ARFGAP3: variants seen among roughly 807,000 people sequenced by gnomAD.
ARFGAP3 encodes the protein ADP-ribosylation factor GTPase-activating protein 3.
A neutral mutation model predicts 75.0 loss-of-function variants in ARFGAP3; 72 were observed. The ratio of observed to expected loss-of-function variants is 0.96; its 90% CI spans 0.79 to 1.17. The LOEUF is 1.17. Among genes scored for constraint, ARFGAP3 ranks in the 50% most tolerant of loss-of-function variants. The pLI, the probability that ARFGAP3 is intolerant of heterozygous loss-of-function variation, is 0.00. For synonymous variants in ARFGAP3, 221 were observed against 217.9 expected (o/e 1.01, Z -0.13); for missense variants, 620 against 626.6 (o/e 0.99, Z 0.11).
intron 6 of ARFGAP3, among the ~76,000 whole-genome samples, chr22:42,831,286 CAAA>C (rs560803857): frequency 4.1e-5 from 3 of 72,640 alleles, no homozygotes; most frequent in Admixed American, 2.7e-4. Context: ...GACTTAGTCT[CAAA>C]AAAAAAAAAA....
intron 13 of ARFGAP3, among the ~76,000 whole-genome samples, chr22:42,808,329 CG>C (rs1235469391): frequency 6.7e-6 from 1 of 150,126 alleles, no homozygotes; most frequent in African/African-American, 2.5e-5. Flanking sequence ...ACTTGGGAGG[CG>C]GAGGTTGCAG....
intron 7 of ARFGAP3, 79 bp from the exon 8 acceptor site, chr22:42,823,781 A>G: frequency 7.5e-7 from 1 of 1,330,740 alleles, no homozygotes. Flanking sequence ...AAATTCTAAG[A>G]TACTGCACTT....
intron 7 of ARFGAP3, among the ~76,000 whole-genome samples, chr22:42,824,031 CTTTT>C (rs71186543): frequency 7.0e-6 from 1 of 143,560 alleles, no homozygotes. Context: ...ATTACAACAA[CTTTT>C]TTTTTTTTTT....
Position 42,817,180 on chromosome 22 carries a change from A to T in ARFGAP3, c.1026T>A (p.Asn342Lys). ...PIMAKPRKKY[N>K]DDSDDSYFTS... ...TAAAATATGAATCGTCACTGTCATCATTATACTTTTTTCTTGGTTTTGCCA... is the reference window on the plus strand; with the variant it reads ...TAAAATATGAATCGTCACTGTCATCTTTATACTTTTTTCTTGGTTTTGCCA... Residue 342 changes from asparagine to lysine, a missense_variant, in exon 11 of 16, where the codon AAT becomes AAA. Coordinates refer to ENST00000263245, the MANE Select transcript of ARFGAP3 (RefSeq NM_014570.5). The T allele has an allele frequency of 6.2e-7, 1 of 1,613,570 alleles. No individual in the cohort carries two copies. Among genetic ancestry groups the T allele is most frequent in the South Asian group, 1.1e-5 (1 of 91,062 alleles).
At chr22:42,813,604 CCT>C (rs1378220070) in intron 11 of ARFGAP3, among the ~76,000 whole-genome samples, 1 of 152,198 alleles carries the variant, frequency 6.6e-6, no homozygotes, top group Non-Finnish European at 1.5e-5. Flanking sequence ...CTTGGGTCCC[CCT>C]GACCAGCATG....
chr22:42,830,954 G>C (rs1250912670), intron 6 of ARFGAP3, among the ~76,000 whole-genome samples: 1 of 152,074 alleles, frequency 6.6e-6, no homozygotes, highest in Non-Finnish European at 1.5e-5. Flanking sequence ...TCCATGTTCA[G>C]TAATATTTTT....
At chr22:42,826,866 A>T in intron 7 of ARFGAP3, 74 bp downstream of exon 7, 1 of 1,379,224 alleles carries the variant, frequency 7.3e-7, no homozygotes. Flanking sequence ...GCCCAGGCCA[A>T]ATGCAAGAGG....
At chr22:42,833,477 G>A (rs1308507050) in intron 5 of ARFGAP3, among the ~76,000 whole-genome samples, 1 of 152,126 alleles carries the variant, frequency 6.6e-6, no homozygotes, top group Admixed American at 6.6e-5. Context: ...CATCTGTGGT[G>A]GGGTATGGTG....
In ARFGAP3 at chr22:42,827,004, A is replaced by T; in HGVS notation, c.566-5T>A. 3 of 1,613,134 alleles carry T rather than the reference A, an allele frequency of 1.9e-6. No homozygotes were observed. Among genetic ancestry groups the T allele is most frequent in the Non-Finnish European group, 1.7e-6 (2 of 1,179,784 alleles). ...TTGGTCCTTGCTCTTGTCCACCTGAAAATTCAAAACATTGATATTAGCGCA... is the reference window on the plus strand; with the variant it reads ...TTGGTCCTTGCTCTTGTCCACCTGATAATTCAAAACATTGATATTAGCGCA... On this transcript the variant is annotated splice_region_variant and splice_polypyrimidine_tract_variant and intron_variant, in intron 6 of 15. Transcript: ENST00000263245.
intron 1 of ARFGAP3, 115 bp downstream of exon 1, chr22:42,856,999 G>A: frequency 6.3e-6 from 7 of 1,102,522 alleles, no homozygotes; most frequent in Non-Finnish European, 8.2e-6. Flanking sequence ...ACAGTGCGAC[G>A]TGTCACAGGC....
chr22:42,817,552 C>A (rs374610658), intron 10 of ARFGAP3, among the ~76,000 whole-genome samples, 177 bp downstream of exon 10: 1 of 151,840 alleles, frequency 6.6e-6, no homozygotes, highest in African/African-American at 2.4e-5. Context: ...TTTTAAAGAG[C>A]CAAATTTGAA....
chr22:42,846,685 G>A (rs778328177), intron 2 of ARFGAP3, among the ~76,000 whole-genome samples: 54 of 152,298 alleles, frequency 3.5e-4, no homozygotes, highest in African/African-American at 1.2e-3. Flanking sequence ...ATAAGATTAC[G>A]GTGGAAGTGA....
At chr22:42,818,995 T>G (rs1352285172) in intron 9 of ARFGAP3, among the ~76,000 whole-genome samples, 1 of 151,806 alleles carries the variant, frequency 6.6e-6, no homozygotes, top group East Asian at 1.9e-4. Context: ...CTATTTTTAG[T>G]AGAGACGAGG....
intron 15 of ARFGAP3, 49 bp downstream of exon 15, chr22:42,798,989 AC>A: frequency 1.3e-6 from 2 of 1,522,718 alleles, no homozygotes; most frequent in Non-Finnish European, 1.8e-6. Flanking sequence ...TCATTTTCAA[AC>A]TGCTGAACCT....
rs116563941 is a variant in ARFGAP3, at chr22:42,825,710, A to T, written c.625+1230T>A. Among the ~76,000 whole-genome samples, 1,517 of 151,870 alleles carry T rather than the reference A, an allele frequency of 1.0e-2. 27 individuals carry two copies. Among genetic ancestry groups the T allele is most frequent in the African/African-American group, 0.035 (1,427 of 41,344 alleles). ...CAAAAAAAAAAAAAAAAGAAACATA[A>T]AGCATTCTCTTATTTTAATAACAAT... On this transcript the variant is annotated intron_variant, in intron 7 of 15. Coordinates refer to ENST00000263245, the MANE Select transcript of ARFGAP3 (RefSeq NM_014570.5).
chr22:42,854,335 T>C (rs1417142770), intron 1 of ARFGAP3, among the ~76,000 whole-genome samples: 1 of 152,030 alleles, frequency 6.6e-6, no homozygotes, highest in South Asian at 2.1e-4. Flanking sequence ...ACAAGAAAAT[T>C]CACCCTTGGC....
chr22:42,821,538 T>C (rs1172296971), intron 9 of ARFGAP3, among the ~76,000 whole-genome samples: 1 of 152,262 alleles, frequency 6.6e-6, no homozygotes, highest in African/African-American at 2.4e-5. Flanking sequence ...TTTATCCATG[T>C]TGTGGCCAAT....
chr22:42,847,535 C>T lies in ARFGAP3; in HGVS notation c.167G>A (p.Gly56Asp). ...IDCSGSHRSL[G>D]VHLSFIRSTE... ...TTACCGAATAAAACTCAAGTGAACA[C>T]CAAGTGACCGGTGGGACCCTGAGCA... The change falls in exon 2 of 16, where the codon GGT becomes GAT. Residue 56 changes from glycine (G) to aspartate (D), a missense_variant. Gly to Asp is a moderately conservative substitution (Grantham distance 94). Transcript: ENST00000263245. 2 of 1,613,302 alleles carry T rather than the reference C, an allele frequency of 1.2e-6. No homozygotes were observed. The highest frequency in any genetic ancestry group is 1.1e-5 in the South Asian group (1 of 90,932).
In ARFGAP3 at chr22:42,826,924, A is replaced by G; in HGVS notation, c.625+16T>C. 1 of 1,610,246 alleles carries G rather than the reference A, an allele frequency of 6.2e-7. No homozygotes were observed. Among genetic ancestry groups the G allele is most frequent in the Non-Finnish European group, 8.5e-7 (1 of 1,178,160 alleles). On this transcript the variant is annotated intron_variant, in intron 7 of 15. Coordinates refer to ENST00000263245, the MANE Select transcript of ARFGAP3 (RefSeq NM_014570.5). ...CATACACTTTAAATCAGAATGTAGGATTTTAAGCATATTACCTAAAGTAGC... is the reference window on the plus strand; with the variant it reads ...CATACACTTTAAATCAGAATGTAGGGTTTTAAGCATATTACCTAAAGTAGC...
Sources: gnomAD v4.1 joint callset for allele counts (sites outside exome capture counted in the v4.1 genomes callset) on GRCh38, gnomAD v4.1.1 for gene constraint, MANE v1.5 for transcripts, NCBI Gene and HGNC (gene_info 2026-07-23, HGNC 2026-07-21) for gene names.